COL19A1: variants seen among roughly 807,000 people sequenced by gnomAD.
The protein encoded by COL19A1 is collagen type XIX alpha 1 chain.
COL19A1 carries 159 observed loss-of-function variants against 190.2 expected under a neutral mutation model. The ratio of observed to expected loss-of-function variants is 0.84; its 90% CI spans 0.73 to 0.95. The LOEUF (loss-of-function observed/expected upper bound fraction) is 0.95. Among genes scored for constraint, COL19A1 ranks in the 40% least tolerant of loss-of-function variants. The probability of loss-of-function intolerance (pLI) is 0.00; values close to 1 mark genes in which losing one functional copy is unlikely to be tolerated. For synonymous variants in COL19A1, 509 were observed against 458.9 expected (o/e 1.11, Z -1.39); for missense variants, 1,418 against 1,431.9 (o/e 0.99, Z 0.16).
At position 70,136,009 on chromosome 6, in the gene COL19A1, C is replaced by T. The variant is rs192830257; in HGVS notation, c.1384-1676C>T. 8.3e-4 allele frequency among the ~76,000 whole-genome samples: 126 copies of T among 152,200 alleles called. 1 individual carries two copies. The highest frequency in any genetic ancestry group is 2.9e-3 in the African/African-American group (121 of 41,522). On this transcript the variant is annotated intron_variant, in intron 18 of 50. Coordinates refer to ENST00000620364, the MANE Select transcript of COL19A1 (RefSeq NM_001858.6). Reference sequence around the variant, plus strand: ...CTTGCAGTTTTGGGCTCTGTTATACCTTAAAGGTAACTTGACATTTTGTTA... The same window carrying T: ...CTTGCAGTTTTGGGCTCTGTTATACTTTAAAGGTAACTTGACATTTTGTTA...
chr6:70,067,139 C>T (rs1227996708), intron 14 of COL19A1, among the ~76,000 whole-genome samples: 1 of 152,122 alleles, frequency 6.6e-6, no homozygotes, highest in Non-Finnish European at 1.5e-5. Context: ...GAGACTGAAA[C>T]AAGGCATTGT....
chr6:69,919,656 C>T (rs572138062), intron 4 of COL19A1, among the ~76,000 whole-genome samples: 1 of 152,180 alleles, frequency 6.6e-6, no homozygotes, highest in South Asian at 2.1e-4. Flanking sequence ...TCTTAAAGTC[C>T]TATACAGTGG....
chr6:69,906,034 A>T (rs1770524945), intron 4 of COL19A1, among the ~76,000 whole-genome samples: 1 of 152,218 alleles, frequency 6.6e-6, no homozygotes, highest in African/African-American at 2.4e-5. Flanking sequence ...TTATTTTAAA[A>T]TTGTGTTTTG....
At chr6:70,051,359 A>G (rs1780191061) in intron 14 of COL19A1, among the ~76,000 whole-genome samples, 1 of 152,162 alleles carries the variant, frequency 6.6e-6, no homozygotes, top group Non-Finnish European at 1.5e-5. Context: ...CAATCCTGGC[A>G]GAAGACATGA....
chr6:69,967,747 A>G (rs1775198862), intron 11 of COL19A1, among the ~76,000 whole-genome samples: 1 of 152,176 alleles, frequency 6.6e-6, no homozygotes, highest in Admixed American at 6.5e-5. Flanking sequence ...TTAAATATTT[A>G]TTACTCTGGT....
At chr6:70,098,432 G>A in intron 15 of COL19A1, 1 of 514,326 alleles carries the variant, frequency 1.9e-6, no homozygotes, top group Non-Finnish European at 3.9e-6. Context: ...CTTGGGTTTA[G>A]ATGTTGTTCC....
intron 10 of COL19A1, among the ~76,000 whole-genome samples, chr6:69,961,370 C>T (rs1213033941): frequency 6.6e-6 from 1 of 152,156 alleles, no homozygotes; most frequent in East Asian, 1.9e-4. Context: ...TAGACAAAAC[C>T]CATTAATACA....
At position 69,936,793 on chromosome 6, in the gene COL19A1, G is replaced by A. The variant is rs1385226519; in HGVS notation, c.756G>A (p.Glu252=). 1.9e-6 allele frequency: 3 copies of A among 1,612,896 alleles called. No individual in the cohort carries two copies. Among genetic ancestry groups the A allele is most frequent in the Non-Finnish European group, 2.5e-6 (3 of 1,179,150 alleles). The change falls in exon 8 of 51, where the codon GAG becomes GAA. Residue 252 remains glutamate, a synonymous_variant. Coordinates refer to ENST00000620364, the MANE Select transcript of COL19A1 (RefSeq NM_001858.6). ...CTCTTTTTGGATTTTAGTGCCCAGA[G>A]CAGGATGGCTTTGGAAATATTGCAT... is the stretch of plus-strand genomic sequence containing the variant. The part of the protein sequence containing the change: ...CCEISDTKCP[E]QDGFGNIASS...
intron 4 of COL19A1, among the ~76,000 whole-genome samples, chr6:69,921,499 C>CAT (rs138505138): frequency 7.8e-5 from 1 of 12,820 alleles, no homozygotes; most frequent in South Asian, 1.9e-3. Flanking sequence ...CATATATATT[C>CAT]ATATATATTC....
At chr6:70,183,148 G>A (rs184743845) in intron 44 of COL19A1, among the ~76,000 whole-genome samples, 184 of 152,216 alleles carry the variant, frequency 1.2e-3, no homozygotes, top group African/African-American at 3.3e-3. Flanking sequence ...CAGAGGGATG[G>A]CCTGGTAATG....
chr6:70,164,968 G>T (rs1173949580), intron 36 of COL19A1, among the ~76,000 whole-genome samples: 1 of 152,202 alleles, frequency 6.6e-6, no homozygotes, highest in Non-Finnish European at 1.5e-5. Context: ...AAATGGCAGG[G>T]TATTGGAATG....
intron 16 of COL19A1, among the ~76,000 whole-genome samples, chr6:70,120,487 C>A (rs560528460): frequency 2.0e-5 from 3 of 152,198 alleles, no homozygotes; most frequent in Non-Finnish European, 4.4e-5. Context: ...GTGTAACAAC[C>A]CCCCCACTCA....
At chr6:70,121,133 C>G (rs1290850905) in intron 16 of COL19A1, among the ~76,000 whole-genome samples, 2 of 152,106 alleles carry the variant, frequency 1.3e-5, no homozygotes, top group African/African-American at 4.8e-5. Context: ...ACCTATTTGA[C>G]TTGAATTACT....
intron 4 of COL19A1, among the ~76,000 whole-genome samples, chr6:69,925,701 G>T (rs1030326878): frequency 1.9e-4 from 29 of 152,004 alleles, no homozygotes; most frequent in African/African-American, 5.8e-4. Context: ...CATGATATTG[G>T]TTCTTCCTAT....
chr6:70,016,399 A>C (rs1225797870), intron 11 of COL19A1, among the ~76,000 whole-genome samples: 48 of 129,632 alleles, frequency 3.7e-4, no homozygotes, highest in Middle Eastern at 3.6e-3. Context: ...TGAAAAAAAA[A>C]AAACAAAACA....
chr6:69,879,057 A>C (rs561707983), intron 1 of COL19A1, among the ~76,000 whole-genome samples: 1 of 152,310 alleles, frequency 6.6e-6, no homozygotes, highest in South Asian at 2.1e-4. Flanking sequence ...GGAAAATGGG[A>C]AATTATTTTT....
chr6:70,048,860 CTG>C, intron 14 of COL19A1, among the ~76,000 whole-genome samples: 1 of 152,124 alleles, frequency 6.6e-6, no homozygotes, highest in Middle Eastern at 3.4e-3. Context: ...AGATTTATGA[CTG>C]AAATAAATAC....
intron 14 of COL19A1, among the ~76,000 whole-genome samples, chr6:70,053,424 T>G (rs1390954927): frequency 6.6e-6 from 1 of 152,176 alleles, no homozygotes; most frequent in East Asian, 1.9e-4. Context: ...GGAAGTCACA[T>G]ACTACCCATG....
intron 14 of COL19A1, among the ~76,000 whole-genome samples, chr6:70,051,157 T>C (rs1005511590): frequency 8.5e-5 from 13 of 152,176 alleles, no homozygotes; most frequent in African/African-American, 3.1e-4. Flanking sequence ...CTTAATAATA[T>C]TGTTCTTTTC....
Sources: gnomAD v4.1 joint callset for allele counts (sites outside exome capture counted in the v4.1 genomes callset) on GRCh38, gnomAD v4.1.1 for gene constraint, MANE v1.5 for transcripts, NCBI Gene and HGNC (gene_info 2026-07-23, HGNC 2026-07-21) for gene names.